NME4: variants seen among roughly 807,000 people sequenced by gnomAD.
NME4 encodes nucleoside diphosphate kinase D, mitochondrial.
A neutral mutation model predicts 16.4 loss-of-function variants in NME4; 21 were observed. The observed-to-expected ratio is 1.28, with a 90% CI of 0.91 to 1.84. NME4 has a LOEUF of 1.84. NME4 is among the 40% of genes most tolerant of loss of function. NME4 has a pLI of 0.00. For synonymous variants in NME4, 132 were observed against 107.5 expected (o/e 1.23, Z -1.41); for missense variants, 316 against 261.3 (o/e 1.21, Z -1.44).
chr16:398,936 G>A (rs1013768086), intron 1 of NME4, 54 bp from the exon 2 acceptor site: 23 of 1,600,720 alleles, frequency 1.4e-5, no homozygotes, highest in South Asian at 9.9e-5. Flanking sequence ...AACCCGGGTC[G>A]TGGGGACGTG....
intron 1 of NME4, 131 bp downstream of exon 1, chr16:397,444 C>A (rs1437221460): frequency 5.6e-5 from 14 of 251,228 alleles, no homozygotes; most frequent in Middle Eastern, 1.7e-3. Flanking sequence ...GCTGCGGGGT[C>A]CGTCCGAGTT....
At chr16:397,821 G>T in intron 1 of NME4, 2 of 1,512,750 alleles carry the variant, frequency 1.3e-6, no homozygotes. Flanking sequence ...CCAAGTCCCC[G>T]GCCCCGCCGC....
Position 397,250 on chromosome 16 carries a change from C to A in NME4, c.28C>A (p.Leu10Met). The A allele has an allele frequency of 9.6e-7, 1 of 1,044,352 alleles. No individual in the cohort carries two copies. Among genetic ancestry groups the A allele is most frequent in the Non-Finnish European group, 1.1e-6 (1 of 870,404 alleles). 64.7% of individuals were successfully genotyped at this position (1,044,352 alleles called of 1,614,324 possible). ...GGGCGGCCTCTTCTGGCGCTCCGCG[C>A]TGCGGGGGCTGCGCTGCGGCCCGCG... MGGLFWRSA[L>M]RGLRCGPRAP... is the part of the protein sequence containing the mutation. Residue 10 changes from leucine (L) to methionine (M), a missense_variant, in exon 1 of 5, where the codon CTG (leucine) becomes ATG (methionine). Coordinates refer to ENST00000219479, the MANE Select transcript of NME4 (RefSeq NM_005009.3).
chr16:399,208 G>A (rs528572147), intron 2 of NME4, 85 bp downstream of exon 2: 93 of 1,555,400 alleles, frequency 6.0e-5, no homozygotes, highest in African/African-American at 1.1e-4. Flanking sequence ...AGCCAGCGCC[G>A]GGGCAGGGCC....
At chr16:399,232 T>C (rs2054608053) in intron 2 of NME4, 109 bp downstream of exon 2, 1 of 1,494,066 alleles carries the variant, frequency 6.7e-7, no homozygotes, top group East Asian at 2.3e-5. Flanking sequence ...CTTTGGCAGT[T>C]GAAGGGGCAG....
intron 1 of NME4, 24 bp downstream of exon 1, chr16:397,337 C>A: frequency 4.1e-6 from 4 of 964,658 alleles, no homozygotes; most frequent in Non-Finnish European, 5.0e-6. Flanking sequence ...CGCGCCCCGG[C>A]GGGGACGCGG....
Position 397,845 on chromosome 16 carries a change from C to G in NME4, c.91+532C>G, listed in dbSNP as rs1567333951. Reference sequence around the variant, plus strand: ...CGGCCCCGCCGCTGCCCGGCCCCCCCAGCTGCCACCTCACAGGACGATCCA... The same window carrying G: ...CGGCCCCGCCGCTGCCCGGCCCCCCGAGCTGCCACCTCACAGGACGATCCA... On this transcript the variant is annotated intron_variant, in intron 1 of 4. Transcript: ENST00000219479. 8 of 1,545,728 alleles carry G rather than the reference C, an allele frequency of 5.2e-6. No individual in the cohort carries two copies. The African/African-American group carries it at 5.5e-5, about 11-fold the overall frequency.
At chr16:398,290 C>G in intron 1 of NME4, 1 of 1,359,590 alleles carries the variant, frequency 7.4e-7, no homozygotes, top group Non-Finnish European at 9.7e-7. Flanking sequence ...AACTCCACAG[C>G]AGCACAGGCC....
chr16:400,255 C>T lies in NME4; in HGVS notation c.477C>T (p.Ala159=). Residue 159 remains alanine (A), a synonymous_variant, in exon 5 of 5, where the codon GCC becomes GCT. Coordinates refer to ENST00000219479, the MANE Select transcript of NME4 (RefSeq NM_005009.3). ...VIHASDSVEG[A]QREIQLWFQS... is the part of the protein sequence containing the mutation. ...ACGCCAGCGACTCCGTGGAGGGGGC[C>T]CAGCGGGAGATCCAGCTGTGGTTCC... is the stretch of plus-strand genomic sequence containing the variant. 3 of 1,604,108 alleles carry T rather than the reference C, an allele frequency of 1.9e-6. No homozygotes were observed. Among genetic ancestry groups the T allele is most frequent in the South Asian group, 2.2e-5 (2 of 90,784 alleles).
At chr16:398,739 C>T (rs1244650720) in intron 1 of NME4, 1 of 580,304 alleles carries the variant, frequency 1.7e-6, no homozygotes, top group African/African-American at 1.9e-5. Flanking sequence ...CAGCCTCTGC[C>T]TCTGCTGGGA....
chr16:399,163 G>T, intron 2 of NME4, 40 bp downstream of exon 2: 1 of 1,600,332 alleles, frequency 6.2e-7, no homozygotes, highest in South Asian at 1.1e-5. Context: ...CTGTGGGGAT[G>T]GGGTTGGGGG....
At chr16:397,984 G>T (rs2054583586) in intron 1 of NME4, 28 of 1,543,352 alleles carry the variant, frequency 1.8e-5, no homozygotes, top group Non-Finnish European at 1.9e-5. Context: ...GGGTTTTGGG[G>T]GAACAAACCA....
rs755556130 is a variant in NME4, at chr16:399,758, A to T, written c.440+19A>T. ...TCAGCAGGTACGGGGGTCCTGATAC[A>T]CCAGGCTGCTGCTGGGGGCAAGGAG... On this transcript the variant is annotated intron_variant, in intron 4 of 4. Transcript: ENST00000219479. The T allele has an allele frequency of 6.3e-7, 1 of 1,593,754 alleles. No individual in the cohort carries two copies. Among genetic ancestry groups the T allele is most frequent in the Non-Finnish European group, 8.6e-7 (1 of 1,162,928 alleles).
rs148062522 is a variant in NME4 at position 399,653 on chromosome 16, C to T, written c.354C>T (p.Arg118=). 9.0e-5 allele frequency: 145 copies of T among 1,613,200 alleles called. No individual in the cohort carries two copies. The highest frequency in any genetic ancestry group is 3.3e-4 in the Middle Eastern group (2 of 6,062). ...TCTGGGAAGGGTACAATGTCGTCCG[C>T]GCCTCGAGGGCCATGATTGGACACA... ...AMVWEGYNVV[R]ASRAMIGHTD... The change falls in exon 4 of 5, where the codon CGC becomes CGT. Residue 118 remains arginine (R), a synonymous_variant. Coordinates refer to ENST00000219479, the MANE Select transcript of NME4 (RefSeq NM_005009.3).
chr16:399,299 C>T (rs1351915485), intron 2 of NME4, 80 bp from the exon 3 acceptor site: 2 of 1,469,752 alleles, frequency 1.4e-6, no homozygotes, highest in Non-Finnish European at 9.5e-7. Flanking sequence ...TGCAAGGTGC[C>T]TGAGGTCAGG....
chr16:399,170 G>A, intron 2 of NME4, 47 bp downstream of exon 2: 2 of 1,602,554 alleles, frequency 1.2e-6, no homozygotes, highest in Non-Finnish European at 1.7e-6. Context: ...GATGGGGTTG[G>A]GGGATCCTTC....
At chr16:398,489 T>C in intron 1 of NME4, 3 of 972,160 alleles carry the variant, frequency 3.1e-6, no homozygotes, top group Non-Finnish European at 4.0e-6. Context: ...CTTCAGACCA[T>C]GTCTGTCGTC....
At chr16:398,477 G>A in intron 1 of NME4, 1 of 1,054,668 alleles carries the variant, frequency 9.5e-7, no homozygotes, top group Non-Finnish European at 1.2e-6. Context: ...GGAAAGTCGG[G>A]GCTTCAGACC....
At chr16:398,112 C>T in intron 1 of NME4, 2 of 1,534,616 alleles carry the variant, frequency 1.3e-6, no homozygotes, top group South Asian at 2.4e-5. Context: ...GGTCTGGGCT[C>T]CTCTGGAAAC....
Sources: allele counts gnomAD v4.1 joint callset, GRCh38; gene constraint gnomAD v4.1.1; transcripts MANE v1.5; gene names NCBI Gene and HGNC (gene_info 2026-07-23, HGNC 2026-07-21).